Variants in CCSER1 observed in about 807,000 individuals in gnomAD.
The protein encoded by CCSER1 is serine-rich coiled-coil domain-containing protein 1.
In CCSER1, 41 loss-of-function variants were observed where a neutral mutation model predicts 82.0. That is an observed-to-expected ratio of 0.50 (90% CI 0.39 to 0.65). The LOEUF (loss-of-function observed/expected upper bound fraction) is 0.65, where lower values mean the gene tolerates loss of function less well. Among genes scored for constraint, CCSER1 ranks in the 30% least tolerant of loss-of-function variants. The pLI is 0.00. For synonymous variants in CCSER1, 414 were observed against 383.9 expected, an observed-to-expected ratio of 1.08 and a Z score of -0.92; for missense variants, 1,119 against 1,064.2, an observed-to-expected ratio of 1.05 and a Z score of -0.72.
chr4:91,194,673 A>AACACAC (rs370891528), intron 10 of CCSER1, among the ~76,000 whole-genome samples: 2 of 149,976 alleles, frequency 1.3e-5, no homozygotes, highest in East Asian at 1.9e-4. Flanking sequence ...CATGGTAGAG[A>AACACAC]ACACACACAC....
Position 91,455,746 on chromosome 4 carries a change from C to T in CCSER1, c.2218-142826C>T, listed in dbSNP as rs550785913. The stretch of plus-strand genomic sequence containing the variant: ...CTATGCCTGAAATATAATTGCAGAA[C>T]AAATATTTGGAAGCAATTGGATTGG... On this transcript the variant is annotated intron_variant, in intron 10 of 10. Transcript: ENST00000509176. Among the ~76,000 whole-genome samples, 5 of 151,948 alleles carry T rather than the reference C, an allele frequency of 3.3e-5. No homozygotes were observed. In the South Asian group the frequency reaches 1.0e-3, roughly 32 times the overall value.
intron 1 of CCSER1, among the ~76,000 whole-genome samples, chr4:90,234,628 C>T (rs1294427059): frequency 1.3e-5 from 2 of 152,126 alleles, no homozygotes; most frequent in South Asian, 2.1e-4. Context: ...TTGCCCTCTA[C>T]ATTTTTCAAG....
At chr4:90,414,271 T>G (rs1206285255) in intron 4 of CCSER1, among the ~76,000 whole-genome samples, 1 of 151,686 alleles carries the variant, frequency 6.6e-6, no homozygotes, top group Non-Finnish European at 1.5e-5. Flanking sequence ...ATATAAAGGC[T>G]AAGGTTTTCA....
At chr4:90,384,536 G>C (rs1749718065) in intron 3 of CCSER1, among the ~76,000 whole-genome samples, 1 of 151,948 alleles carries the variant, frequency 6.6e-6, no homozygotes, top group East Asian at 1.9e-4. Flanking sequence ...AGAAGAATGG[G>C]CTAGGTGATT....
At chr4:90,962,730 T>C (rs1347121621) in intron 9 of CCSER1, among the ~76,000 whole-genome samples, 1 of 152,166 alleles carries the variant, frequency 6.6e-6, no homozygotes, top group Non-Finnish European at 1.5e-5. Context: ...AGACAAGCCA[T>C]GTCTTGGGTT....
At chr4:90,777,015 A>G (rs1172360441) in intron 7 of CCSER1, among the ~76,000 whole-genome samples, 2 of 152,298 alleles carry the variant, frequency 1.3e-5, no homozygotes, top group East Asian at 3.9e-4. Context: ...ATTCGTATGA[A>G]TGATTAACTA....
rs568119006 is a variant in CCSER1, at chr4:90,469,987, C to T, written c.1724+1633C>T. On this transcript the variant is annotated intron_variant, in intron 5 of 10. Coordinates refer to ENST00000509176, the MANE Select transcript of CCSER1 (RefSeq NM_001145065.2). Reference sequence around the variant, plus strand: ...ATTTTCTTTGATTGTCAAGTTAACACTCAAAAAGTTTCAGATTTTAGAACA... The same window carrying T: ...ATTTTCTTTGATTGTCAAGTTAACATTCAAAAAGTTTCAGATTTTAGAACA... 1.4e-4 allele frequency among the ~76,000 whole-genome samples: 21 copies of T among 152,248 alleles called. No homozygotes were observed. The South Asian group carries it at 4.4e-3, about 32-fold the overall frequency.
intron 5 of CCSER1, among the ~76,000 whole-genome samples, chr4:90,578,734 TG>T (rs200019315): frequency 6.6e-6 from 1 of 152,078 alleles, no homozygotes; most frequent in Admixed American, 6.6e-5. Flanking sequence ...TGGCCATATT[TG>T]GGGGGGCCAT....
intron 8 of CCSER1, chr4:90,918,142 TA>T (rs1727783994): frequency 7.2e-6 from 3 of 414,856 alleles, no homozygotes; most frequent in Non-Finnish European, 1.4e-5. Context: ...ATCACTATTA[TA>T]TACTAGTGTC....
intron 9 of CCSER1, among the ~76,000 whole-genome samples, chr4:90,948,195 A>C (rs1732485977): frequency 6.6e-6 from 1 of 151,914 alleles, no homozygotes; most frequent in Non-Finnish European, 1.5e-5. Flanking sequence ...AATGGTTTTC[A>C]TTGTACAACA....
At chr4:90,138,449 C>T (rs182802140) in intron 1 of CCSER1, among the ~76,000 whole-genome samples, 28 of 152,306 alleles carry the variant, frequency 1.8e-4, no homozygotes, top group African/African-American at 6.5e-4. Flanking sequence ...TGAACACTGC[C>T]CTCCCTGGCT....
chr4:90,846,174 A>G (rs1763216372), intron 8 of CCSER1, among the ~76,000 whole-genome samples: 1 of 152,186 alleles, frequency 6.6e-6, no homozygotes, highest in Non-Finnish European at 1.5e-5. Flanking sequence ...AGATTTCTCC[A>G]TTGCCCAGTA....
At chr4:91,521,952 GC>G (rs1411807191) in intron 10 of CCSER1, among the ~76,000 whole-genome samples, 1 of 152,132 alleles carries the variant, frequency 6.6e-6, no homozygotes, top group Non-Finnish European at 1.5e-5. Flanking sequence ...TGAAGTCCTT[GC>G]CCATGCCTAT....
intron 10 of CCSER1, among the ~76,000 whole-genome samples, chr4:91,291,580 G>A (rs1365074598): frequency 6.6e-6 from 1 of 151,974 alleles, no homozygotes. Context: ...AGGAGCAAGA[G>A]AGAGAAGGGA....
chr4:90,976,485 G>A (rs1303609966), intron 9 of CCSER1, among the ~76,000 whole-genome samples: 2 of 150,904 alleles, frequency 1.3e-5, no homozygotes, highest in Non-Finnish European at 3.0e-5. Flanking sequence ...CAGTTTGGCG[G>A]TAAGAATTAA....
chr4:90,151,998 T>C (rs1237640533), intron 1 of CCSER1, among the ~76,000 whole-genome samples: 1 of 152,174 alleles, frequency 6.6e-6, no homozygotes, highest in Admixed American at 6.6e-5. Context: ...AGTAAAGGAA[T>C]CACCACTGAA....
intron 10 of CCSER1, among the ~76,000 whole-genome samples, chr4:91,460,283 C>A (rs1271191796): frequency 1.3e-5 from 2 of 152,070 alleles, no homozygotes; most frequent in South Asian, 2.1e-4. Flanking sequence ...TCTAGTGACT[C>A]CATTAACATC....
chr4:91,385,095 A>G (rs80212069), intron 10 of CCSER1, among the ~76,000 whole-genome samples: 2,988 of 152,184 alleles, frequency 0.02, 77 homozygotes, highest in African/African-American at 0.067. Context: ...TTTATCCTGA[A>G]GATACAGGCC....
chr4:91,097,400 G>C (rs1365549156), intron 10 of CCSER1, among the ~76,000 whole-genome samples: 1 of 152,142 alleles, frequency 6.6e-6, no homozygotes, highest in Non-Finnish European at 1.5e-5. Flanking sequence ...AATGTGTAGT[G>C]ATCAAGGATC....
Sources: gnomAD v4.1 joint callset for allele counts (sites outside exome capture counted in the v4.1 genomes callset) on GRCh38, gnomAD v4.1.1 for gene constraint, MANE v1.5 for transcripts, NCBI Gene and HGNC (gene_info 2026-07-23, HGNC 2026-07-21) for gene names.